The following PTPRD variants were observed in gnomAD, a reference collection of about 807,000 sequenced individuals.
The protein encoded by PTPRD is protein tyrosine phosphatase receptor type D, also known as receptor-type tyrosine-protein phosphatase delta.
PTPRD carries 34 observed loss-of-function variants against 214.5 expected under a neutral mutation model. The ratio of observed to expected loss-of-function variants is 0.16; its 90% CI spans 0.12 to 0.21. The LOEUF (loss-of-function observed/expected upper bound fraction) is 0.21. Ranked by LOEUF, PTPRD falls within the 10% of genes least tolerant of loss-of-function variation. PTPRD has a pLI of 1.00. For missense variants in PTPRD, 2,545 were observed against 2,398.7 expected (o/e 1.06, Z -1.27); for synonymous variants, 1,128 against 845.7 (o/e 1.33, Z -5.79).
chr9:10,017,223 A>T (rs1336457577), intron 4 of PTPRD, among the ~76,000 whole-genome samples: 1 of 152,200 alleles, frequency 6.6e-6, no homozygotes, highest in Non-Finnish European at 1.5e-5. Flanking sequence ...TCTTATTGAT[A>T]GCATATTTTC....
intron 7 of PTPRD, among the ~76,000 whole-genome samples, chr9:9,724,389 G>A (rs2098036205): frequency 1.3e-5 from 2 of 152,146 alleles, no homozygotes; most frequent in Admixed American, 1.3e-4. Flanking sequence ...TAGTGTTCAA[G>A]TTGTGTGCTT....
At chr9:9,420,295 T>A (rs2078305169) in intron 8 of PTPRD, among the ~76,000 whole-genome samples, 1 of 151,854 alleles carries the variant, frequency 6.6e-6, no homozygotes, top group African/African-American at 2.4e-5. Context: ...CTTTATCTAA[T>A]GAACAGCAAA....
chr9:8,714,053 C>T (rs971778577), intron 12 of PTPRD, among the ~76,000 whole-genome samples: 1 of 152,126 alleles, frequency 6.6e-6, no homozygotes, highest in African/African-American at 2.4e-5. Context: ...AAGAAATTTA[C>T]TATTGGCCAT....
chr9:8,687,447 T>G (rs558265672), intron 12 of PTPRD, among the ~76,000 whole-genome samples: 1 of 152,182 alleles, frequency 6.6e-6, no homozygotes, highest in Non-Finnish European at 1.5e-5. Context: ...ACACAAACCG[T>G]ATGTTCCAGG....
At chr9:8,638,230 A>G (rs1014052369) in intron 12 of PTPRD, among the ~76,000 whole-genome samples, 2 of 151,996 alleles carry the variant, frequency 1.3e-5, no homozygotes, top group African/African-American at 4.8e-5. Context: ...TTTGAAAACA[A>G]TCCTTGGATT....
chr9:10,254,283 A>G (rs1453443514), intron 3 of PTPRD, among the ~76,000 whole-genome samples: 2 of 152,244 alleles, frequency 1.3e-5, no homozygotes, highest in Non-Finnish European at 2.9e-5. Context: ...TCCAAAAGTA[A>G]TAACTGTAAG....
At chr9:8,712,727 G>C (rs1032680462) in intron 12 of PTPRD, among the ~76,000 whole-genome samples, 1 of 151,714 alleles carries the variant, frequency 6.6e-6, no homozygotes, top group Non-Finnish European at 1.5e-5. Flanking sequence ...CTTTTTTGGG[G>C]GGTGGGGGGC....
At chr9:9,823,377 G>A (rs749234297) in intron 5 of PTPRD, among the ~76,000 whole-genome samples, 4 of 152,086 alleles carry the variant, frequency 2.6e-5, no homozygotes, top group South Asian at 2.1e-4. Flanking sequence ...ACCAGATCTC[G>A]TGAGAACTTA....
At chr9:10,387,326 T>A (rs1006123305) in intron 2 of PTPRD, among the ~76,000 whole-genome samples, 1 of 151,918 alleles carries the variant, frequency 6.6e-6, no homozygotes, top group Non-Finnish European at 1.5e-5. Context: ...CTTTATGTTT[T>A]CTAAGGTTGA....
intron 12 of PTPRD, among the ~76,000 whole-genome samples, chr9:8,718,862 G>C (rs1162118753): frequency 6.6e-6 from 1 of 152,164 alleles, no homozygotes. Context: ...ATGGAGCGTA[G>C]TGTTATTTCC....
intron 14 of PTPRD, among the ~76,000 whole-genome samples, chr9:8,538,499 A>T (rs1234948692): frequency 6.6e-6 from 1 of 151,770 alleles, no homozygotes; most frequent in East Asian, 1.9e-4. Context: ...ATATAAGTAT[A>T]TATGAATAAA....
intron 39 of PTPRD, among the ~76,000 whole-genome samples, chr9:8,361,480 A>G (rs2078461558): frequency 6.6e-6 from 1 of 152,224 alleles, no homozygotes. Context: ...AAAGCAGTCT[A>G]GGTATCAGAT....
chr9:8,536,854 G>C (rs976882433), intron 14 of PTPRD, among the ~76,000 whole-genome samples: 8 of 152,034 alleles, frequency 5.3e-5, no homozygotes, highest in Admixed American at 5.3e-4. Flanking sequence ...CAGGGAGACA[G>C]ATCAGTGTCT....
chr9:10,273,390 A>G (rs192101666), intron 3 of PTPRD, among the ~76,000 whole-genome samples: 2 of 152,240 alleles, frequency 1.3e-5, no homozygotes, highest in African/African-American at 4.8e-5. Flanking sequence ...AATTGTTTTA[A>G]TACCATAATA....
chr9:10,408,097 T>C (rs1048164596), intron 2 of PTPRD, among the ~76,000 whole-genome samples: 5 of 151,616 alleles, frequency 3.3e-5, no homozygotes, highest in African/African-American at 7.3e-5. Flanking sequence ...CCATGGCATT[T>C]CCCTGCCTTG....
At chr9:9,849,566 A>T (rs1489317584) in intron 5 of PTPRD, among the ~76,000 whole-genome samples, 2 of 152,136 alleles carry the variant, frequency 1.3e-5, no homozygotes, top group Non-Finnish European at 2.9e-5. Flanking sequence ...AAAGGAAAGA[A>T]TTTCCAGGAT....
At chr9:8,542,208 CG>C (rs2078636663) in intron 14 of PTPRD, among the ~76,000 whole-genome samples, 1 of 152,128 alleles carries the variant, frequency 6.6e-6, no homozygotes, top group South Asian at 2.1e-4. Context: ...GTGGGCACTT[CG>C]GTGCTTGCGG....
chr9:9,016,764 G>C (rs1287784034), intron 11 of PTPRD, among the ~76,000 whole-genome samples: 1 of 152,110 alleles, frequency 6.6e-6, no homozygotes, highest in Non-Finnish European at 1.5e-5. Flanking sequence ...TAGAACCCAA[G>C]ACTCCCCAGT....
chr9:8,652,840 G>A (rs2096840090), intron 12 of PTPRD, among the ~76,000 whole-genome samples: 1 of 152,170 alleles, frequency 6.6e-6, no homozygotes, highest in Non-Finnish European at 1.5e-5. Flanking sequence ...TCACACACAT[G>A]AGATTCTAGA....
Sources: gnomAD v4.1 joint callset for allele counts (sites outside exome capture counted in the v4.1 genomes callset) on GRCh38, gnomAD v4.1.1 for gene constraint, MANE v1.5 for transcripts, NCBI Gene and HGNC (gene_info 2026-07-23, HGNC 2026-07-21) for gene names.